The following PPP1R16B variants were observed in gnomAD, a reference collection of about 807,000 sequenced individuals.
PPP1R16B encodes the protein protein phosphatase 1 regulatory subunit 16B, also known as protein phosphatase 1 regulatory inhibitor subunit 16B.
A neutral mutation model predicts 61.7 loss-of-function variants in PPP1R16B; 14 were observed. That is an observed-to-expected ratio of 0.23 (90% CI 0.15 to 0.35). PPP1R16B has a LOEUF of 0.35. Among genes scored for constraint, PPP1R16B ranks in the 10% least tolerant of loss-of-function variants. The pLI, the probability that PPP1R16B is intolerant of heterozygous loss-of-function variation, is 1.00. For synonymous variants in PPP1R16B, 266 were observed against 305.3 expected, an observed-to-expected ratio of 0.87 and a Z score of 1.34; for missense variants, 547 against 752.5, an observed-to-expected ratio of 0.73 and a Z score of 3.19.
intron 2 of PPP1R16B, among the ~76,000 whole-genome samples, chr20:38,848,049 C>A (rs986093846): frequency 6.6e-6 from 1 of 152,096 alleles, no homozygotes; most frequent in African/African-American, 2.4e-5. Flanking sequence ...CACAGCCATG[C>A]CCATTCATTT....
At chr20:38,816,358 C>T (rs1357844500) in intron 1 of PPP1R16B, among the ~76,000 whole-genome samples, 1 of 152,144 alleles carries the variant, frequency 6.6e-6, no homozygotes, top group Non-Finnish European at 1.5e-5. Context: ...CCTTGAAGCT[C>T]ATAGAGGTTG....
intron 2 of PPP1R16B, among the ~76,000 whole-genome samples, chr20:38,840,910 G>A (rs1288392771): frequency 2.0e-5 from 3 of 152,172 alleles, no homozygotes; most frequent in Non-Finnish European, 4.4e-5. Flanking sequence ...TGTTGAAGTG[G>A]TATGGTCAGA....
intron 1 of PPP1R16B, among the ~76,000 whole-genome samples, chr20:38,835,105 G>A (rs1235835552): frequency 1.3e-5 from 2 of 152,204 alleles, no homozygotes; most frequent in African/African-American, 4.8e-5. Context: ...AATGGTTTCA[G>A]GAATTCCCTA....
chr20:38,883,677 G>A (rs2085220147), intron 2 of PPP1R16B, among the ~76,000 whole-genome samples: 1 of 152,214 alleles, frequency 6.6e-6, no homozygotes, highest in Non-Finnish European at 1.5e-5. Flanking sequence ...GAGGGAGACT[G>A]CCTCTGTCTT....
In PPP1R16B at chr20:38,902,787, A is replaced by C. The variant is rs1168341035; in HGVS notation, c.691A>C (p.Thr231Pro). 1 of 1,614,182 alleles carries C rather than the reference A, an allele frequency of 6.2e-7. No individual in the cohort carries two copies. Among genetic ancestry groups the C allele is most frequent in the South Asian group, 1.1e-5 (1 of 91,082 alleles). The change falls in exon 6 of 11, where the codon ACA becomes CCA. Residue 231 changes from threonine to proline, a missense_variant. By Grantham distance (38) the Thr-to-Pro change is conservative. Transcript: ENST00000299824. ...GGACTGGATAGATGCCCAGGGTGCC[A>C]CACTGGTGAGGAGATGGGCCAGTAC... ...DLDWIDAQGA[T>P]LLHIAGANGY...
At chr20:38,836,812 G>A (rs2084875881) in intron 2 of PPP1R16B, among the ~76,000 whole-genome samples, 1 of 152,318 alleles carries the variant, frequency 6.6e-6, no homozygotes, top group Non-Finnish European at 1.5e-5. Context: ...TTATAGGCAG[G>A]CCACCTTGCC....
intron 10 of PPP1R16B, among the ~76,000 whole-genome samples, chr20:38,913,702 G>C (rs2085510119): frequency 6.6e-6 from 1 of 152,180 alleles, no homozygotes; most frequent in Non-Finnish European, 1.5e-5. Flanking sequence ...GACAGAGGCT[G>C]CAAGGACTGA....
At chr20:38,855,786 T>C (rs2084999848) in intron 2 of PPP1R16B, among the ~76,000 whole-genome samples, 1 of 151,452 alleles carries the variant, frequency 6.6e-6, no homozygotes, top group South Asian at 2.1e-4. Flanking sequence ...CTCCAAGGTG[T>C]GTACCATGTA....
intron 1 of PPP1R16B, among the ~76,000 whole-genome samples, chr20:38,835,054 A>G (rs987381662): frequency 7.2e-5 from 11 of 152,230 alleles, no homozygotes; most frequent in Non-Finnish European, 5.9e-5. Flanking sequence ...GTAATATCTT[A>G]GTATAGTTAT....
chr20:38,873,994 T>G (rs208804), intron 2 of PPP1R16B, among the ~76,000 whole-genome samples: 117,419 of 152,048 alleles, frequency 0.77, 45,630 homozygotes, highest in South Asian at 0.86. Flanking sequence ...CTCCCAAAGT[T>G]CTGGGATTAC....
intron 7 of PPP1R16B, 51 bp from the exon 8 acceptor site, chr20:38,906,928 G>A: frequency 6.6e-7 from 1 of 1,523,254 alleles, no homozygotes; most frequent in Non-Finnish European, 9.1e-7. Flanking sequence ...CACCTCCTAG[G>A]CTTTCTGAGC....
chr20:38,835,913 G>A lies in PPP1R16B; in HGVS notation c.-13G>A, dbSNP rs2084866558. 6.5e-7 allele frequency: 1 copy of A among 1,530,914 alleles called. No individual in the cohort carries two copies. Among genetic ancestry groups the A allele is most frequent in the African/African-American group, 1.4e-5 (1 of 72,928 alleles). 94.8% of individuals were successfully genotyped at this position (1,530,914 alleles called of 1,614,324 possible). A position where few individuals can be genotyped will look rare whatever the true frequency, so the allele number is the denominator to read the frequency against. On this transcript the variant is annotated 5_prime_UTR_variant, in exon 2 of 11. Coordinates refer to ENST00000299824, the MANE Select transcript of PPP1R16B (RefSeq NM_015568.4). ...GCTAGCCCCCAGCCAGGGCGTTGGG[G>A]AGGGCGGTGGCCATGGCCAGTCACG...
At chr20:38,823,847 A>G (rs1411893022) in intron 1 of PPP1R16B, among the ~76,000 whole-genome samples, 1 of 152,174 alleles carries the variant, frequency 6.6e-6, no homozygotes, top group African/African-American at 2.4e-5. Context: ...CTTACTCTGC[A>G]TAGATTTCAT....
chr20:38,831,583 G>A (rs976711787), intron 1 of PPP1R16B, among the ~76,000 whole-genome samples: 1 of 152,146 alleles, frequency 6.6e-6, no homozygotes, highest in Non-Finnish European at 1.5e-5. Context: ...GGAGTAATGG[G>A]GAGCATTGGG....
chr20:38,824,137 G>C (rs1746662625), intron 1 of PPP1R16B, among the ~76,000 whole-genome samples: 1 of 152,190 alleles, frequency 6.6e-6, no homozygotes, highest in African/African-American at 2.4e-5. Flanking sequence ...TTGGTGCAGT[G>C]ATTCCCAGAA....
At position 38,915,770 on chromosome 20, in the gene PPP1R16B, G is replaced by A. The variant is rs538353133; in HGVS notation, c.1195-2387G>A. ...CTCCCAAAGTGCTGGGATTATAAGCGTGAGCCACCACGCTCGGCCTGTACA... is the reference window on the plus strand; with the variant it reads ...CTCCCAAAGTGCTGGGATTATAAGCATGAGCCACCACGCTCGGCCTGTACA... On this transcript the variant is annotated intron_variant, in intron 10 of 10. Coordinates refer to ENST00000299824, the MANE Select transcript of PPP1R16B (RefSeq NM_015568.4). 9.1e-3 allele frequency among the ~76,000 whole-genome samples: 1,388 copies of A among 152,034 alleles called. 13 individuals are homozygous for A. The highest frequency in any genetic ancestry group is 0.016 in the Non-Finnish European group (1,117 of 67,990).
intron 10 of PPP1R16B, among the ~76,000 whole-genome samples, chr20:38,917,546 G>C (rs529569394): frequency 1.3e-5 from 2 of 152,124 alleles, no homozygotes; most frequent in African/African-American, 4.8e-5. Flanking sequence ...AGGATCCCTG[G>C]GTAAGAATCT....
At position 38,835,877 on chromosome 20, in the gene PPP1R16B, C is replaced by G. The variant is rs1601244927; in HGVS notation, c.-49C>G. 2.0e-6 allele frequency: 3 copies of G among 1,483,480 alleles called. No individual in the cohort carries two copies. Among genetic ancestry groups the G allele is most frequent in the Admixed American group, 2.2e-5 (1 of 45,068 alleles). 91.9% of individuals were successfully genotyped at this position (1,483,480 alleles called of 1,614,324 possible). ...AGAGGCCCCGCGCTGCCCTGGCCCC[C>G]GGTGCACCGTGCTAGCCCCCAGCCA... is the stretch of plus-strand genomic sequence containing the variant. On this transcript the variant is annotated 5_prime_UTR_variant, in exon 2 of 11. Coordinates refer to ENST00000299824, the MANE Select transcript of PPP1R16B (RefSeq NM_015568.4).
chr20:38,908,321 C>A (rs894014768), intron 10 of PPP1R16B, 128 bp downstream of exon 10: 1 of 1,152,210 alleles, frequency 8.7e-7, no homozygotes, highest in Non-Finnish European at 1.2e-6. Context: ...CTTAAACTAG[C>A]ATATCCAGTC....
Sources: gnomAD v4.1 joint callset for allele counts (sites outside exome capture counted in the v4.1 genomes callset) on GRCh38, gnomAD v4.1.1 for gene constraint, MANE v1.5 for transcripts, NCBI Gene and HGNC (gene_info 2026-07-23, HGNC 2026-07-21) for gene names.